Variants in SMAD1 observed in about 807,000 individuals in gnomAD.
SMAD1 encodes SMAD family member 1, also known as MAD, mothers against decapentaplegic homolog 1.
In SMAD1, 6 loss-of-function variants were observed where a neutral mutation model predicts 41.6. The observed-to-expected ratio is 0.14, with a 90% CI of 0.08 to 0.28. The LOEUF is 0.28. Ranked by LOEUF, SMAD1 falls within the 10% of genes least tolerant of loss-of-function variation. The probability of loss-of-function intolerance (pLI) is 1.00; values close to 1 mark genes in which losing one functional copy is unlikely to be tolerated. For synonymous variants in SMAD1, 206 were observed against 203.2 expected, an observed-to-expected ratio of 1.01 and a Z score of -0.12; for missense variants, 379 against 582.6, an observed-to-expected ratio of 0.65 and a Z score of 3.60.
chr4:145,512,937 G>A (rs1180008505), intron 1 of SMAD1, among the ~76,000 whole-genome samples: 1 of 152,208 alleles, frequency 6.6e-6, no homozygotes, highest in Non-Finnish European at 1.5e-5. Context: ...TGTAAAGACT[G>A]ATCCGTTTCA....
At chr4:145,551,203 T>A (rs1215937539) in intron 5 of SMAD1, among the ~76,000 whole-genome samples, 2 of 152,322 alleles carry the variant, frequency 1.3e-5, no homozygotes, top group Non-Finnish European at 2.9e-5. Context: ...TATACTGTTA[T>A]AAAAATATAA....
upstream of SMAD1, chr4:145,481,540 T>C (rs1233174510): frequency 6.6e-6 from 1 of 152,098 alleles, no homozygotes; most frequent in African/African-American, 2.4e-5. Context: ...CCACCGGGAC[T>C]AAAAAGGCAG....
chr4:145,531,644 T>C (rs572954052), intron 2 of SMAD1, among the ~76,000 whole-genome samples: 79 of 152,280 alleles, frequency 5.2e-4, no homozygotes, highest in Admixed American at 2.1e-3. Flanking sequence ...TCTTGCTCTT[T>C]TGTGTGAGGA....
intron 1 of SMAD1, among the ~76,000 whole-genome samples, chr4:145,494,034 T>C (rs1728919882): frequency 6.6e-6 from 1 of 152,218 alleles, no homozygotes; most frequent in Non-Finnish European, 1.5e-5. Flanking sequence ...TGATCTTGGC[T>C]CACTGCAACC....
intron 1 of SMAD1, among the ~76,000 whole-genome samples, chr4:145,505,032 G>A (rs928546274): frequency 6.6e-6 from 1 of 152,178 alleles, no homozygotes; most frequent in Non-Finnish European, 1.5e-5. Context: ...GTTTCTATAA[G>A]TGTCAGGAAT....
At chr4:145,512,023 C>T (rs1382469747) in intron 1 of SMAD1, among the ~76,000 whole-genome samples, 1 of 152,134 alleles carries the variant, frequency 6.6e-6, no homozygotes, top group African/African-American at 2.4e-5. Flanking sequence ...ATGTGTTTTT[C>T]CTCTAAATGT....
chr4:145,556,120 AATG>A (rs1185828599), intron 6 of SMAD1, among the ~76,000 whole-genome samples: 1 of 152,222 alleles, frequency 6.6e-6, no homozygotes, highest in Non-Finnish European at 1.5e-5. Context: ...CTGTTTTTAA[AATG>A]ATCATTTTTG....
intron 1 of SMAD1, among the ~76,000 whole-genome samples, chr4:145,489,423 G>A (rs566584389): frequency 1.3e-5 from 2 of 152,100 alleles, no homozygotes; most frequent in East Asian, 3.9e-4. Context: ...TGTGTGAGAT[G>A]ATAAATCTCT....
intron 1 of SMAD1, among the ~76,000 whole-genome samples, chr4:145,513,779 A>C (rs558614929): frequency 6.6e-6 from 1 of 152,298 alleles, no homozygotes; most frequent in South Asian, 2.1e-4. Flanking sequence ...AATGAATCTA[A>C]ATCTAAAATA....
At chr4:145,510,903 A>G (rs1011713221) in intron 1 of SMAD1, among the ~76,000 whole-genome samples, 2 of 152,150 alleles carry the variant, frequency 1.3e-5, no homozygotes, top group Admixed American at 6.5e-5. Context: ...GAATTTAAAA[A>G]CTACATGGTG....
chr4:145,536,122 C>T (rs757925666), intron 2 of SMAD1, among the ~76,000 whole-genome samples: 1 of 152,044 alleles, frequency 6.6e-6, no homozygotes, highest in Non-Finnish European at 1.5e-5. Context: ...CCAAGGTTCT[C>T]ACTGTTGAAA....
At position 145,482,446 on chromosome 4, in the gene SMAD1, T is replaced by C. The variant is rs1051204196; in HGVS notation, c.-177+408T>C. ...CGCGCTCCTCACATCTCTCCCGTGCTGCCGCCGGGCCGAGGCCCGTTCGCG... is the reference window on the plus strand; with the variant it reads ...CGCGCTCCTCACATCTCTCCCGTGCCGCCGCCGGGCCGAGGCCCGTTCGCG... On this transcript the variant is annotated intron_variant, in intron 1 of 6. Coordinates refer to ENST00000302085, the MANE Select transcript of SMAD1 (RefSeq NM_005900.3). This position sits in a 1 kb window ranked among gnomAD's most constrained non-coding sequence, Gnocchi z 4.2. 6.6e-6 allele frequency: 1 copy of C among 152,106 alleles called. No individual in the cohort carries two copies. Among genetic ancestry groups the C allele is most frequent in the Non-Finnish European group, 1.5e-5 (1 of 68,040 alleles). 9.4% of individuals were successfully genotyped at this position (152,106 alleles called of 1,614,324 possible).
At chr4:145,500,218 C>G (rs2126325240) in intron 1 of SMAD1, among the ~76,000 whole-genome samples, 1 of 152,208 alleles carries the variant, frequency 6.6e-6, no homozygotes, top group South Asian at 2.1e-4. Flanking sequence ...TGTTCTCAAC[C>G]CAGCAAGCCA....
chr4:145,491,288 G>C (rs1278020517), intron 1 of SMAD1, among the ~76,000 whole-genome samples: 1 of 152,156 alleles, frequency 6.6e-6, no homozygotes, highest in African/African-American at 2.4e-5. Context: ...GCCAACTGCT[G>C]ACGGGAAGAT....
rs940926787 is a variant in SMAD1, at chr4:145,554,149, A to T, written c.1254+109A>T. ...TATATCCTCTTGATAACATATTATC[A>T]TATTAGCTGACTTATTATCTAGGCA... On this transcript the variant is annotated intron_variant, in intron 6 of 6. Coordinates refer to ENST00000302085, the MANE Select transcript of SMAD1 (RefSeq NM_005900.3). The T allele has an allele frequency of 5.0e-6, 5 of 1,005,432 alleles. No homozygotes were observed. The East Asian group carries it at 7.3e-5, about 15-fold the overall frequency. The allele number at this position is 1,005,432 out of a possible 1,614,324, so 62.3% of individuals were successfully genotyped here.
At chr4:145,536,226 T>TAC (rs1417563596) in intron 2 of SMAD1, among the ~76,000 whole-genome samples, 1 of 152,046 alleles carries the variant, frequency 6.6e-6, no homozygotes, top group Non-Finnish European at 1.5e-5. Flanking sequence ...CAATTTCCAG[T>TAC]ACACACACGC....
chr4:145,550,549 A>G (rs1253094691), intron 5 of SMAD1, among the ~76,000 whole-genome samples: 1 of 152,200 alleles, frequency 6.6e-6, no homozygotes, highest in African/African-American at 2.4e-5. Flanking sequence ...CAAAAGAGAT[A>G]AATAAATACA....
At chr4:145,552,037 G>T (rs1235286745) in intron 5 of SMAD1, among the ~76,000 whole-genome samples, 1 of 152,152 alleles carries the variant, frequency 6.6e-6, no homozygotes, top group African/African-American at 2.4e-5. Context: ...TGTTTGCAAA[G>T]ACATTTTAAT....
At chr4:145,508,415 TACTC>T (rs1560734803) in intron 1 of SMAD1, among the ~76,000 whole-genome samples, 1 of 152,144 alleles carries the variant, frequency 6.6e-6, no homozygotes, top group Admixed American at 6.6e-5. Context: ...TTGGACAAGA[TACTC>T]AACTATTCTA....
Sources: gnomAD v4.1 joint callset for allele counts (sites outside exome capture counted in the v4.1 genomes callset) on GRCh38, gnomAD v4.1.1 for gene constraint, Gnocchi (gnomAD v3.1) non-coding constraint, MANE v1.5 for transcripts, NCBI Gene and HGNC (gene_info 2026-07-23, HGNC 2026-07-21) for gene names.